The following VWA8 variants were observed in gnomAD, a reference collection of about 807,000 sequenced individuals.
VWA8 encodes the protein von Willebrand factor A domain-containing protein 8.
In VWA8, 221 loss-of-function variants were observed where a neutral mutation model predicts 241.5. The ratio of observed to expected loss-of-function variants is 0.91; its 90% CI spans 0.82 to 1.02. The LOEUF (loss-of-function observed/expected upper bound fraction) is 1.02. Among genes scored for constraint, VWA8 ranks in the 50% least tolerant of loss-of-function variants. The pLI is 0.00. For synonymous variants in VWA8, 852 were observed against 827.1 expected, an observed-to-expected ratio of 1.03 and a Z score of -0.52; for missense variants, 2,322 against 2,328.7, an observed-to-expected ratio of 1.00 and a Z score of 0.06.
At chr13:41,910,605 C>A (rs996352309) in intron 3 of VWA8, among the ~76,000 whole-genome samples, 3 of 148,558 alleles carry the variant, frequency 2.0e-5, no homozygotes, top group African/African-American at 2.5e-5. Flanking sequence ...AAAAAAAAAA[C>A]AACAACAAAA....
intron 12 of VWA8, among the ~76,000 whole-genome samples, chr13:41,863,104 C>T (rs1347032975): frequency 6.6e-5 from 10 of 151,778 alleles, no homozygotes; most frequent in Non-Finnish European, 1.0e-4. Context: ...GAAGGCAGAC[C>T]CACCCTTAAT....
At chr13:41,873,192 G>A (rs1388973454) in intron 9 of VWA8, among the ~76,000 whole-genome samples, 2 of 152,038 alleles carry the variant, frequency 1.3e-5, no homozygotes, top group African/African-American at 4.8e-5. Context: ...AGTGTGTAGA[G>A]GGAAATTTAT....
At chr13:41,808,646 A>G (rs1870330331) in intron 17 of VWA8, among the ~76,000 whole-genome samples, 1 of 152,174 alleles carries the variant, frequency 6.6e-6, no homozygotes. Flanking sequence ...TCCAACCCAT[A>G]TCAATACTGA....
intron 4 of VWA8, among the ~76,000 whole-genome samples, chr13:41,898,790 AC>A (rs1875272651): frequency 1.4e-5 from 1 of 73,806 alleles, no homozygotes; most frequent in South Asian, 5.2e-4. Flanking sequence ...CTGCTGGGGG[AC>A]CCAGTACACC....
intron 37 of VWA8, among the ~76,000 whole-genome samples, chr13:41,628,685 G>A (rs1398880647): frequency 6.6e-6 from 1 of 152,130 alleles, no homozygotes; most frequent in African/African-American, 2.4e-5. Context: ...GGAACAGAAA[G>A]TCAAATAGTG....
chr13:41,675,625 AC>A (rs2045055531), intron 35 of VWA8, among the ~76,000 whole-genome samples: 2 of 152,168 alleles, frequency 1.3e-5, no homozygotes, highest in African/African-American at 4.8e-5. Context: ...GGAAGCAACA[AC>A]AATGCAGTAA....
intron 12 of VWA8, among the ~76,000 whole-genome samples, chr13:41,863,455 T>TATATATATATATATA (rs1566485517): frequency 3.4e-5 from 3 of 87,142 alleles, no homozygotes; most frequent in East Asian, 3.2e-4. Context: ...ATATATATAT[T>TATATATATATATATA]CACACACACA....
At chr13:41,742,446 A>T (rs2045576115) in intron 21 of VWA8, among the ~76,000 whole-genome samples, 1 of 152,228 alleles carries the variant, frequency 6.6e-6, no homozygotes, top group Non-Finnish European at 1.5e-5. Flanking sequence ...CAGGTACAAT[A>T]CCAGAGCCTG....
chr13:41,838,090 A>G (rs1052211722), intron 12 of VWA8, among the ~76,000 whole-genome samples: 2 of 152,190 alleles, frequency 1.3e-5, no homozygotes, highest in African/African-American at 4.8e-5. Flanking sequence ...AAATAAAAAC[A>G]TCCTGTTAAA....
intron 4 of VWA8, among the ~76,000 whole-genome samples, chr13:41,892,834 G>A (rs1473575830): frequency 6.6e-6 from 1 of 152,052 alleles, no homozygotes; most frequent in Non-Finnish European, 1.5e-5. Flanking sequence ...CCCTTCCCTA[G>A]TTCAAGCTCT....
At chr13:41,822,388 T>C (rs147897681) in intron 14 of VWA8, among the ~76,000 whole-genome samples, 1 of 152,314 alleles carries the variant, frequency 6.6e-6, no homozygotes, top group East Asian at 1.9e-4. Flanking sequence ...CCCAGAGTTA[T>C]ACAGTTCTGT....
intron 14 of VWA8, among the ~76,000 whole-genome samples, chr13:41,828,209 C>T (rs1871262517): frequency 6.6e-6 from 1 of 152,094 alleles, no homozygotes; most frequent in South Asian, 2.1e-4. Flanking sequence ...TAACATTTCC[C>T]CTCTTGGAAA....
At chr13:41,635,491 T>G (rs1369568988) in intron 37 of VWA8, among the ~76,000 whole-genome samples, 1 of 152,196 alleles carries the variant, frequency 6.6e-6, no homozygotes, top group Admixed American at 6.5e-5. Flanking sequence ...ATTAAGTGAC[T>G]CCCTTTCTTC....
intron 4 of VWA8, among the ~76,000 whole-genome samples, chr13:41,896,073 C>T (rs1198367392): frequency 3.3e-5 from 5 of 151,748 alleles, no homozygotes; most frequent in Non-Finnish European, 7.4e-5. Context: ...ACTAGATAGG[C>T]AAATCAATAA....
rs551088636 is a variant in VWA8, at chr13:41,571,550, G to A, written c.5371-844C>T. On this transcript the variant is annotated intron_variant, in intron 43 of 44. Transcript: ENST00000379310. ...TTTTTGGTGGAGACGGGGTTTCGCCGTGTTGGCCGGGCTGGTCTCCAGCTC... is the reference window on the plus strand; with the variant it reads ...TTTTTGGTGGAGACGGGGTTTCGCCATGTTGGCCGGGCTGGTCTCCAGCTC... 2.0e-5 allele frequency among the ~76,000 whole-genome samples: 3 copies of A among 152,300 alleles called. No individual in the cohort carries two copies. The South Asian group carries it at 6.2e-4, about 32-fold the overall frequency.
At chr13:41,784,757 TATATAC>T (rs564817736) in intron 18 of VWA8, among the ~76,000 whole-genome samples, 13,728 of 120,888 alleles carry the variant, frequency 0.11, 1,925 homozygotes, top group East Asian at 0.21. Context: ...TATATATATA[TATATAC>T]ACACACACAC....
chr13:41,848,476 G>A (rs1323125414), intron 12 of VWA8, among the ~76,000 whole-genome samples: 3 of 152,172 alleles, frequency 2.0e-5, no homozygotes, highest in East Asian at 1.9e-4. Flanking sequence ...ACCAGGTGGA[G>A]ATGACTGGAT....
At chr13:41,719,806 T>C in intron 25 of VWA8, 64 bp from the exon 26 acceptor site, 1 of 1,451,024 alleles carries the variant, frequency 6.9e-7, no homozygotes, top group South Asian at 1.3e-5. Flanking sequence ...TAAAGATTTA[T>C]GAAATGGATA....
chr13:41,827,863 G>C (rs1391059845), intron 14 of VWA8, among the ~76,000 whole-genome samples: 1 of 152,192 alleles, frequency 6.6e-6, no homozygotes, highest in Non-Finnish European at 1.5e-5. Flanking sequence ...GAAAAGGGTT[G>C]TCATTTCCTT....
Sources: gnomAD v4.1 joint callset for allele counts (sites outside exome capture counted in the v4.1 genomes callset) on GRCh38, gnomAD v4.1.1 for gene constraint, MANE v1.5 for transcripts, NCBI Gene and HGNC (gene_info 2026-07-23, HGNC 2026-07-21) for gene names.